SRGAP3: variants seen among roughly 807,000 people sequenced by gnomAD.
SRGAP3 encodes the protein SLIT-ROBO Rho GTPase activating protein 3, also known as SLIT-ROBO Rho GTPase-activating protein 3.
A neutral mutation model predicts 121.1 loss-of-function variants in SRGAP3; 39 were observed. That is an observed-to-expected ratio of 0.32 (90% CI 0.25 to 0.42). SRGAP3 has a LOEUF of 0.42. Among genes scored for constraint, SRGAP3 ranks in the 10% least tolerant of loss-of-function variants. The pLI is 1.00. For missense variants in SRGAP3, 1,213 were observed against 1,470.6 expected, an observed-to-expected ratio of 0.82 and a Z score of 2.86; for synonymous variants, 601 against 570.0, an observed-to-expected ratio of 1.05 and a Z score of -0.77.
intron 1 of SRGAP3, among the ~76,000 whole-genome samples, chr3:9,162,434 C>T (rs1157652787): frequency 6.6e-6 from 1 of 152,164 alleles, no homozygotes; most frequent in Non-Finnish European, 1.5e-5. Flanking sequence ...GAATCCTCCT[C>T]CCTGAGGAGT....
chr3:9,088,514 G>C (rs1453656711), intron 3 of SRGAP3, among the ~76,000 whole-genome samples: 1 of 152,230 alleles, frequency 6.6e-6, no homozygotes, highest in East Asian at 1.9e-4. Context: ...AGGATGTTTA[G>C]GAGCATCACT....
intron 1 of SRGAP3, among the ~76,000 whole-genome samples, chr3:9,143,414 G>A (rs183621453): frequency 3.3e-5 from 5 of 152,226 alleles, no homozygotes; most frequent in East Asian, 1.9e-4. Flanking sequence ...TGTTCCCTTC[G>A]CTTTGACTCT....
At chr3:9,183,490 C>T (rs1405886767) in intron 1 of SRGAP3, among the ~76,000 whole-genome samples, 2 of 152,074 alleles carry the variant, frequency 1.3e-5, no homozygotes, top group African/African-American at 4.8e-5. Flanking sequence ...ATCTATTATA[C>T]AGATGTTTAA....
At chr3:9,273,947 C>A (rs1486977948) in intron 3 of SRGAP3, among the ~76,000 whole-genome samples, 1 of 152,132 alleles carries the variant, frequency 6.6e-6, no homozygotes, top group Non-Finnish European at 1.5e-5. Flanking sequence ...TTCCATTGGT[C>A]TATATGTCTG....
At chr3:9,267,503 T>G (rs757768978) in intron 3 of SRGAP3, among the ~76,000 whole-genome samples, 5 of 152,120 alleles carry the variant, frequency 3.3e-5, no homozygotes, top group Non-Finnish European at 7.3e-5. Flanking sequence ...TGGGTGCAGT[T>G]GAGGCTGTTC....
chr3:9,353,865 A>G (rs2030337654), intron 1 of SRGAP3, among the ~76,000 whole-genome samples: 1 of 152,196 alleles, frequency 6.6e-6, no homozygotes, highest in South Asian at 2.1e-4. Flanking sequence ...CCTTCTTTCA[A>G]TTACATCCCC....
At chr3:9,096,984 CAT>C (rs1421202593) in intron 3 of SRGAP3, among the ~76,000 whole-genome samples, 13 of 71,452 alleles carry the variant, frequency 1.8e-4, no homozygotes, top group Non-Finnish European at 3.8e-4. Context: ...TATATATACA[CAT>C]ACACACACAT....
chr3:9,195,903 C>T (rs919799307), intron 1 of SRGAP3, among the ~76,000 whole-genome samples: 3 of 152,070 alleles, frequency 2.0e-5, no homozygotes, highest in Non-Finnish European at 4.4e-5. Context: ...CTACAGTGAG[C>T]CATGATCACA....
At chr3:9,346,870 C>G (rs920050039) in intron 1 of SRGAP3, among the ~76,000 whole-genome samples, 1 of 151,852 alleles carries the variant, frequency 6.6e-6, no homozygotes, top group African/African-American at 2.4e-5. Flanking sequence ...ATTCTCCTGC[C>G]TCAGCCTCCC....
chr3:9,246,225 G>T (rs1372543639), intron 1 of SRGAP3, among the ~76,000 whole-genome samples: 1 of 152,296 alleles, frequency 6.6e-6, no homozygotes, highest in African/African-American at 2.4e-5. Context: ...AAAATCAAAA[G>T]TTCCCTTCAC....
chr3:9,044,400 T>G (rs1945159280), intron 10 of SRGAP3, among the ~76,000 whole-genome samples: 1 of 152,184 alleles, frequency 6.6e-6, no homozygotes, highest in Non-Finnish European at 1.5e-5. Context: ...AGGAATCACA[T>G]CCTGGCAGAG....
At chr3:9,200,467 T>C (rs1369114859) in intron 1 of SRGAP3, among the ~76,000 whole-genome samples, 2 of 152,082 alleles carry the variant, frequency 1.3e-5, no homozygotes, top group Admixed American at 6.5e-5. Flanking sequence ...CCATAGTAAA[T>C]GTGAGTAGTG....
intron 3 of SRGAP3, among the ~76,000 whole-genome samples, chr3:9,285,972 G>C (rs900391085): frequency 2.6e-5 from 4 of 151,644 alleles, no homozygotes; most frequent in South Asian, 2.1e-4. Context: ...AATTAGCTCA[G>C]CTTAGTGACG....
chr3:9,081,234 G>C, intron 3 of SRGAP3: 1 of 456,600 alleles, frequency 2.2e-6, no homozygotes, highest in South Asian at 1.5e-5. Flanking sequence ...CTGGTCCCCT[G>C]GTCTGCCTAA....
At position 9,312,221 on chromosome 3, in the gene SRGAP3, C is replaced by A. The variant is rs146066073; in HGVS notation, n.442+13789G>T. Reference sequence around the variant, plus strand: ...CCAGCCTGGAGTGCAATGGTGCAATCTTGGCTCAGTGCAACCTCTGCCTCC... The same window carrying A: ...CCAGCCTGGAGTGCAATGGTGCAATATTGGCTCAGTGCAACCTCTGCCTCC... On this transcript the variant is annotated intron_variant and non_coding_transcript_variant, in intron 3 of 3. Coordinates refer to the SRGAP3 transcript ENST00000490889. Among the ~76,000 whole-genome samples the A allele has an allele frequency of 3.6e-3, 548 of 152,258 alleles. 4 individuals carry two copies. The highest frequency in any genetic ancestry group is 0.012 in the African/African-American group (514 of 41,542).
intron 1 of SRGAP3, among the ~76,000 whole-genome samples, chr3:9,359,488 A>G (rs1361603221): frequency 1.3e-5 from 2 of 152,230 alleles, no homozygotes; most frequent in African/African-American, 4.8e-5. Context: ...TGATTGAGGC[A>G]TGGACAACCA....
Position 8,990,609 on chromosome 3 carries a change from G to A in SRGAP3, c.2789C>T (p.Ala930Val), listed in dbSNP as rs552464370. Residue 930 changes from alanine (A) to valine (V), a missense_variant, in exon 21 of 22, where the codon GCG becomes GTG. Ala to Val is a moderately conservative substitution (Grantham distance 64, BLOSUM62 0). Around this residue, in one of 2 missense-constraint regions of SRGAP3, gnomAD observed 420 missense variants for 437.7 expected, o/e 0.96. Transcript: ENST00000383836. Reference sequence around the variant, plus strand: ...CCTCATCGAGTGCCCTTCGGAGAGCGCCTTCTTGTCAGGGTAGTTGATGCT... The same window carrying A: ...CCTCATCGAGTGCCCTTCGGAGAGCACCTTCTTGTCAGGGTAGTTGATGCT... Reference protein sequence around the residue: ...AGSINYPDKKALSEGHSMRST... With the variant: ...AGSINYPDKKVLSEGHSMRST... 52 of 1,611,558 alleles carry A rather than the reference G, an allele frequency of 3.2e-5. No individual in the cohort carries two copies. Among genetic ancestry groups the A allele is most frequent in the African/African-American group, 1.1e-4 (8 of 75,032 alleles).
intron 1 of SRGAP3, among the ~76,000 whole-genome samples, chr3:9,196,478 T>C (rs1395277412): frequency 6.6e-6 from 1 of 152,264 alleles, no homozygotes; most frequent in Non-Finnish European, 1.5e-5. Context: ...TTTGTTTTAA[T>C]AGTTGTGTTT....
chr3:9,076,961 T>A (rs1428156631), intron 4 of SRGAP3, among the ~76,000 whole-genome samples: 2 of 151,968 alleles, frequency 1.3e-5, no homozygotes, highest in Non-Finnish European at 2.9e-5. Context: ...CTACTCTTTT[T>A]ATATTATTAT....
Sources: gnomAD v4.1 joint callset for allele counts (sites outside exome capture counted in the v4.1 genomes callset) on GRCh38, gnomAD v4.1.1 for gene constraint, gnomAD v4.1.1 regional missense constraint, MANE v1.5 for transcripts, NCBI Gene and HGNC (gene_info 2026-07-23, HGNC 2026-07-21) for gene names.